The following LAMA2 variants were observed in gnomAD, a reference collection of about 807,000 sequenced individuals.
The protein encoded by LAMA2 is laminin subunit alpha-2.
A neutral mutation model predicts 364.8 loss-of-function variants in LAMA2; 269 were observed. The observed-to-expected ratio is 0.74, with a 90% CI of 0.67 to 0.82. LAMA2 has a LOEUF of 0.82. Among genes scored for constraint, LAMA2 ranks in the 40% least tolerant of loss-of-function variants. The pLI, the probability that LAMA2 is intolerant of heterozygous loss-of-function variation, is 0.00. For missense variants in LAMA2, 3,807 were observed against 3,873.2 expected (o/e 0.98, Z 0.45); for synonymous variants, 1,379 against 1,370.6 (o/e 1.01, Z -0.14).
intron 37 of LAMA2, among the ~76,000 whole-genome samples, chr6:129,399,614 G>C (rs1007845633): frequency 2.6e-5 from 4 of 152,180 alleles, no homozygotes; most frequent in Non-Finnish European, 5.9e-5. Flanking sequence ...GAGAATGATT[G>C]AGACAAGGAT....
At chr6:129,221,402 CAA>C (rs57184336) in intron 12 of LAMA2, among the ~76,000 whole-genome samples, 74 of 116,438 alleles carry the variant, frequency 6.4e-4, no homozygotes, top group African/African-American at 2.0e-3. Flanking sequence ...CCTGATAGAC[CAA>C]AAAAAAAAAA....
intron 7 of LAMA2, among the ~76,000 whole-genome samples, chr6:129,149,550 CTATA>C (rs1031296552): frequency 6.6e-6 from 1 of 152,060 alleles, no homozygotes; most frequent in African/African-American, 2.4e-5. Context: ...AATACCAACA[CTATA>C]TATCCTTTGA....
At position 128,883,179 on chromosome 6, in the gene LAMA2, G is replaced by A; in HGVS notation, c.-67G>A. On this transcript the variant is annotated 5_prime_UTR_variant, in exon 1 of 65. Coordinates refer to ENST00000421865, the MANE Select transcript of LAMA2 (RefSeq NM_000426.4). The stretch of plus-strand genomic sequence containing the variant: ...GCTGCTCGCTCAGCTCACAAGCCAA[G>A]GCCAGGGGACAGGGCGGCAGCGACT... 6.9e-7 allele frequency: 1 copy of A among 1,451,608 alleles called. No individual in the cohort carries two copies. Among genetic ancestry groups the A allele is most frequent in the Non-Finnish European group, 9.4e-7 (1 of 1,065,212 alleles). The allele number at this position is 1,451,608 out of a possible 1,614,324, so 89.9% of individuals were successfully genotyped here. A position where few individuals can be genotyped will look rare whatever the true frequency, so the allele number is the denominator to read the frequency against.
At chr6:129,045,467 A>C (rs951383895) in intron 1 of LAMA2, among the ~76,000 whole-genome samples, 3 of 152,218 alleles carry the variant, frequency 2.0e-5, no homozygotes, top group Non-Finnish European at 4.4e-5. Context: ...CATAGTTATC[A>C]ATCTTACTAA....
At chr6:129,376,545 C>T (rs1212919369) in intron 34 of LAMA2, among the ~76,000 whole-genome samples, 2 of 152,098 alleles carry the variant, frequency 1.3e-5, no homozygotes, top group Non-Finnish European at 2.9e-5. Context: ...GGATAAAGAC[C>T]AAAATTCTCC....
chr6:129,204,018 G>A (rs565067812), intron 12 of LAMA2, among the ~76,000 whole-genome samples: 19 of 152,234 alleles, frequency 1.2e-4, no homozygotes, highest in African/African-American at 1.9e-4. Context: ...AGTAAAAGAC[G>A]TTTGTTAAAA....
At chr6:129,315,338 C>T (rs981486309) in intron 24 of LAMA2, 138 bp from the exon 25 acceptor site, 40 of 722,838 alleles carry the variant, frequency 5.5e-5, no homozygotes, top group Non-Finnish European at 7.8e-5. Flanking sequence ...TTGCCCACTG[C>T]GTGTGAGTTC....
At chr6:129,039,222 C>A (rs1786902986) in intron 1 of LAMA2, among the ~76,000 whole-genome samples, 1 of 151,932 alleles carries the variant, frequency 6.6e-6, no homozygotes, top group African/African-American at 2.4e-5. Context: ...GTGGCAAAGT[C>A]AGAAAACACT....
chr6:129,267,314 C>G (rs887719912), intron 16 of LAMA2, 95 bp downstream of exon 16: 7 of 852,096 alleles, frequency 8.2e-6, no homozygotes, highest in African/African-American at 5.0e-5. Flanking sequence ...ACCTTAAACA[C>G]TTGAGTCAAG....
chr6:129,031,161 A>C (rs2114733284), intron 1 of LAMA2, among the ~76,000 whole-genome samples: 1 of 152,366 alleles, frequency 6.6e-6, no homozygotes, highest in East Asian at 1.9e-4. Flanking sequence ...GTGTTTTGCT[A>C]TAAACACTGT....
intron 12 of LAMA2, among the ~76,000 whole-genome samples, chr6:129,249,633 A>G (rs1786029585): frequency 6.6e-6 from 1 of 152,182 alleles, no homozygotes; most frequent in Non-Finnish European, 1.5e-5. Flanking sequence ...GACCAATAAC[A>G]TTTCTCAGCT....
intron 12 of LAMA2, among the ~76,000 whole-genome samples, chr6:129,241,831 TTCTTA>T (rs1785412711): frequency 6.6e-6 from 1 of 152,174 alleles, no homozygotes; most frequent in African/African-American, 2.4e-5. Context: ...ACCTTTGGGA[TTCTTA>T]TCTTCTAAAA....
chr6:129,226,164 T>A (rs1047769547), intron 12 of LAMA2, among the ~76,000 whole-genome samples: 4 of 152,188 alleles, frequency 2.6e-5, no homozygotes, highest in Non-Finnish European at 5.9e-5. Context: ...AACCCCTGCC[T>A]TTTTTTGTTT....
intron 45 of LAMA2, among the ~76,000 whole-genome samples, chr6:129,448,695 A>G (rs1025497651): frequency 4.6e-5 from 7 of 152,224 alleles, no homozygotes; most frequent in African/African-American, 1.4e-4. Flanking sequence ...ATACTCAATA[A>G]TGTTTGAGTT....
intron 8 of LAMA2, among the ~76,000 whole-genome samples, chr6:129,164,640 T>A (rs1240004041): frequency 6.6e-6 from 1 of 152,218 alleles, no homozygotes; most frequent in Non-Finnish European, 1.5e-5. Flanking sequence ...ACATTTCTAA[T>A]GTAGTTAACT....
At chr6:129,459,116 A>G (rs958496898) in intron 48 of LAMA2, among the ~76,000 whole-genome samples, 4 of 152,030 alleles carry the variant, frequency 2.6e-5, no homozygotes, top group Admixed American at 6.6e-5. Context: ...TCTAGATGGT[A>G]CAGCCTACTA....
At chr6:129,083,988 T>G (rs9482982) in intron 3 of LAMA2, among the ~76,000 whole-genome samples, 30,677 of 152,178 alleles carry the variant, frequency 0.2, 4,477 homozygotes, top group African/African-American at 0.41. Context: ...TATTGCCTGT[T>G]CAAATTTTTC....
chr6:128,908,166 G>A (rs1482622135), intron 1 of LAMA2, among the ~76,000 whole-genome samples: 1 of 149,808 alleles, frequency 6.7e-6, no homozygotes, highest in Non-Finnish European at 1.5e-5. Flanking sequence ...AGTTAGGGAG[G>A]ATTCCCTCTT....
chr6:129,487,440 G>A (rs933509117), intron 56 of LAMA2, among the ~76,000 whole-genome samples: 27 of 152,126 alleles, frequency 1.8e-4, no homozygotes, highest in Admixed American at 1.2e-3. Context: ...AGACTTCAGG[G>A]GTTCAGACCT....
Sources: gnomAD v4.1 joint callset for allele counts (sites outside exome capture counted in the v4.1 genomes callset) on GRCh38, gnomAD v4.1.1 for gene constraint, MANE v1.5 for transcripts, NCBI Gene and HGNC (gene_info 2026-07-23, HGNC 2026-07-21) for gene names.